Variants in CCDC141 observed in about 807,000 individuals in gnomAD.
CCDC141 encodes coiled-coil domain containing 141.
A neutral mutation model predicts 181.0 loss-of-function variants in CCDC141; 168 were observed. The ratio of observed to expected loss-of-function variants is 0.93; its 90% confidence interval spans 0.82 to 1.05. The LOEUF is 1.05. CCDC141 is among the 50% of genes least tolerant of loss of function. The probability of loss-of-function intolerance (pLI) is 0.00; values close to 1 mark genes in which losing one functional copy is unlikely to be tolerated. For synonymous variants in CCDC141, 666 were observed against 642.3 expected (o/e 1.04, Z -0.56); for missense variants, 1,902 against 1,788.5 (o/e 1.06, Z -1.14).
chr2:179,026,154 C>T (rs2042837435), intron 2 of CCDC141, among the ~76,000 whole-genome samples: 1 of 152,100 alleles, frequency 6.6e-6, no homozygotes, highest in South Asian at 2.1e-4. Flanking sequence ...TAATGAGGGG[C>T]CAAATGTTAA....
At chr2:178,889,690 T>C (rs1687056325) in intron 8 of CCDC141, among the ~76,000 whole-genome samples, 1 of 152,092 alleles carries the variant, frequency 6.6e-6, no homozygotes, top group Admixed American at 6.6e-5. Context: ...ACGATGCCAC[T>C]ATAGAGCTGG....
chr2:178,974,597 T>G, intron 4 of CCDC141, among the ~76,000 whole-genome samples: 1 of 152,192 alleles, frequency 6.6e-6, no homozygotes, highest in East Asian at 1.9e-4. Flanking sequence ...CTGTTCCATT[T>G]TTTTAACTGC....
intron 2 of CCDC141, among the ~76,000 whole-genome samples, chr2:179,030,915 G>A (rs1174500922): frequency 6.6e-6 from 1 of 151,960 alleles, no homozygotes; most frequent in African/African-American, 2.4e-5. Flanking sequence ...GTATGCATTA[G>A]TTTGGTAAGC....
intron 3 of CCDC141, among the ~76,000 whole-genome samples, chr2:178,977,592 C>CA (rs1375511110): frequency 6.6e-6 from 1 of 152,124 alleles, no homozygotes; most frequent in East Asian, 1.9e-4. Flanking sequence ...TGCTTTTAAA[C>CA]AAGTTCATGA....
At chr2:178,990,606 GAGGGA>G (rs1362258055) in intron 2 of CCDC141, among the ~76,000 whole-genome samples, 2,406 of 115,678 alleles carry the variant, frequency 0.021, 28 homozygotes, top group Middle Eastern at 0.069. Flanking sequence ...GAGGGGAGGG[GAGGGA>G]AGGGAAGGGA....
At chr2:179,034,943 C>A (rs187864195) in intron 2 of CCDC141, among the ~76,000 whole-genome samples, 2 of 152,214 alleles carry the variant, frequency 1.3e-5, no homozygotes, top group Admixed American at 6.5e-5. Context: ...ATATTTTTCT[C>A]CCTATCTATT....
chr2:178,990,362 T>C (rs1290060424), intron 2 of CCDC141, among the ~76,000 whole-genome samples: 1 of 151,816 alleles, frequency 6.6e-6, no homozygotes, highest in East Asian at 1.9e-4. Context: ...AAAGCATATG[T>C]CCACACAAAA....
chr2:179,026,675 T>C (rs2042854825), intron 2 of CCDC141, among the ~76,000 whole-genome samples: 1 of 152,052 alleles, frequency 6.6e-6, no homozygotes, highest in Non-Finnish European at 1.5e-5. Context: ...GAATGGTAGA[T>C]CCACTGACAG....
intron 2 of CCDC141, among the ~76,000 whole-genome samples, chr2:178,986,940 C>T (rs1277043352): frequency 6.6e-6 from 1 of 151,962 alleles, no homozygotes; most frequent in Admixed American, 6.6e-5. Flanking sequence ...CTACAAATGA[C>T]TTTCTTCACA....
chr2:178,818,694 T>G, the CCDC141 span, among the ~76,000 whole-genome samples: 3 of 152,186 alleles, frequency 2.0e-5, no homozygotes, highest in Admixed American at 6.6e-5. Context: ...GGTGTTTGGG[T>G]TGATTTCATG....
intron 6 of CCDC141, among the ~76,000 whole-genome samples, chr2:178,921,432 A>G (rs1688683636): frequency 6.6e-6 from 1 of 152,230 alleles, no homozygotes; most frequent in Non-Finnish European, 1.5e-5. Context: ...GGGTATTCCC[A>G]TTACCCACTT....
At chr2:178,890,882 A>G (rs1456495898) in intron 8 of CCDC141, among the ~76,000 whole-genome samples, 1 of 151,300 alleles carries the variant, frequency 6.6e-6, no homozygotes, top group African/African-American at 2.4e-5. Context: ...CTCGCAACAG[A>G]CATGCCACTT....
In CCDC141 at chr2:178,865,541, A is replaced by G. The variant is rs73973173; in HGVS notation, c.2724+226T>C. ...ATTATAGGTTTTTCTATGCATTGAC[A>G]TCATACTGACTTCAACAAATTTGAG... On this transcript the variant is annotated intron_variant, in intron 17 of 23. Transcript: ENST00000443758. 0.083 allele frequency among the ~76,000 whole-genome samples: 12,636 copies of G among 152,332 alleles called. 1,336 individuals are homozygous for G. The highest frequency in any genetic ancestry group is 0.58 in the East Asian group (3,027 of 5,176).
intron 4 of CCDC141, among the ~76,000 whole-genome samples, chr2:178,969,685 A>G (rs924077088): frequency 2.0e-5 from 3 of 152,212 alleles, no homozygotes; most frequent in Non-Finnish European, 2.9e-5. Context: ...ATGGGAAAAA[A>G]TTGGAAGCAT....
chr2:179,022,969 C>T (rs1281981886), intron 2 of CCDC141, among the ~76,000 whole-genome samples: 1 of 152,076 alleles, frequency 6.6e-6, no homozygotes, highest in Non-Finnish European at 1.5e-5. Flanking sequence ...CCCTATGACT[C>T]CCCCAAATAA....
chr2:178,881,915 T>TCTCACA (rs1465946696), intron 11 of CCDC141, among the ~76,000 whole-genome samples: 57 of 92,348 alleles, frequency 6.2e-4, no homozygotes, highest in African/African-American at 1.4e-3. Context: ...TCTCTCTCTC[T>TCTCACA]CACACACACA....
chr2:179,034,593 G>A (rs1030743644), intron 2 of CCDC141, among the ~76,000 whole-genome samples: 2 of 152,150 alleles, frequency 1.3e-5, no homozygotes, highest in Non-Finnish European at 2.9e-5. Context: ...ATAGTTTCCT[G>A]GAGGTGAAGC....
At chr2:178,925,433 T>C (rs946022030) in intron 6 of CCDC141, among the ~76,000 whole-genome samples, 8 of 152,336 alleles carry the variant, frequency 5.3e-5, no homozygotes, top group African/African-American at 1.9e-4. Flanking sequence ...AATGGCTATG[T>C]GGCAAAATAC....
In CCDC141 at chr2:178,832,166, C is replaced by T. The variant is rs1273187581; in HGVS notation, c.*2007G>A. 2.6e-5 allele frequency: 4 copies of T among 152,100 alleles called. No homozygotes were observed. Among genetic ancestry groups the T allele is most frequent in the Non-Finnish European group, 5.9e-5 (4 of 68,032 alleles). 9.4% of individuals were successfully genotyped at this position (152,100 alleles called of 1,614,324 possible). On this transcript the variant is annotated 3_prime_UTR_variant, in exon 24 of 24. Transcript: ENST00000443758. ...TGAATAGGTTTTTACTCTTTAGCTT[C>T]AACGTGGGCAACAGCAGTTAGGCAA...
Sources: gnomAD v4.1 joint callset for allele counts (sites outside exome capture counted in the v4.1 genomes callset) on GRCh38, gnomAD v4.1.1 for gene constraint, MANE v1.5 for transcripts, NCBI Gene and HGNC (gene_info 2026-07-23, HGNC 2026-07-21) for gene names.